The following ARAP1 variants were observed in gnomAD, a reference collection of about 807,000 sequenced individuals.
ARAP1 encodes ArfGAP with RhoGAP domain, ankyrin repeat and PH domain 1.
In ARAP1, 76 loss-of-function variants were observed where a neutral mutation model predicts 172.2. The observed-to-expected ratio is 0.44, with a 90% CI of 0.37 to 0.53. The LOEUF is 0.53. Ranked by LOEUF, ARAP1 falls within the 20% of genes least tolerant of loss-of-function variation. The probability of loss-of-function intolerance (pLI) is 0.00; values close to 1 mark genes in which losing one functional copy is unlikely to be tolerated. For missense variants in ARAP1, 1,686 were observed against 1,977.5 expected (o/e 0.85, Z 2.80); for synonymous variants, 804 against 803.3 (o/e 1.00, Z -0.01).
intron 1 of ARAP1, among the ~76,000 whole-genome samples, chr11:72,746,979 A>G (rs1327963038): frequency 6.6e-6 from 1 of 152,102 alleles, no homozygotes; most frequent in East Asian, 1.9e-4. Flanking sequence ...GCCAGTAGGA[A>G]AGCTGGCAGG....
intron 3 of ARAP1, among the ~76,000 whole-genome samples, chr11:72,716,114 A>C (rs1857258637): frequency 7.0e-6 from 1 of 142,640 alleles, no homozygotes; most frequent in African/African-American, 2.7e-5. Flanking sequence ...TGGAGCTTGC[A>C]GTGAGCCGAG....
chr11:72,699,306 G>T lies in ARAP1; in HGVS notation c.2438+111C>A. ...GTCGGCCCTTGTGCAGCCTCCGTTT[G>T]CTGTGTGACTCTGCGGAGGTCCTCC... On this transcript the variant is annotated intron_variant, in intron 17 of 34. Transcript: ENST00000393609. This position sits in a 1 kb window ranked among gnomAD's most constrained non-coding sequence, Gnocchi z 4.2. The T allele has an allele frequency of 6.6e-7, 1 of 1,522,112 alleles. No individual in the cohort carries two copies. Among genetic ancestry groups the T allele is most frequent in the Non-Finnish European group, 8.9e-7 (1 of 1,122,212 alleles). The allele number at this position is 1,522,112 out of a possible 1,614,324, so 94.3% of individuals were successfully genotyped here.
chr11:72,698,882 T>C, intron 18 of ARAP1, 123 bp downstream of exon 18: 1 of 1,031,074 alleles, frequency 9.7e-7, no homozygotes. Context: ...CCGCTCCATG[T>C]CTGCTGCCCT....
chr11:72,701,788 G>A lies in ARAP1; in HGVS notation c.2168-5C>T, dbSNP rs1468296524. The A allele has an allele frequency of 6.2e-7, 1 of 1,612,848 alleles. No individual in the cohort carries two copies. The highest frequency in any genetic ancestry group is 8.5e-7 in the Non-Finnish European group (1 of 1,179,336). On this transcript the variant is annotated splice_region_variant and splice_polypyrimidine_tract_variant and intron_variant, in intron 15 of 34. Transcript: ENST00000393609. ...TCGAGTCCAGCCGAGGCACCTCTTTGTAGGCGGGGAAAGGATGGCAGGTCA... is the reference window on the plus strand; with the variant it reads ...TCGAGTCCAGCCGAGGCACCTCTTTATAGGCGGGGAAAGGATGGCAGGTCA...
chr11:72,708,601 C>T (rs951440156), intron 11 of ARAP1: 28 of 152,950 alleles, frequency 1.8e-4, no homozygotes, highest in African/African-American at 4.1e-4. Flanking sequence ...ATAAGGCTCC[C>T]GCAGAAGTCA....
chr11:72,695,274 G>A lies in ARAP1; in HGVS notation c.3576+113C>T, dbSNP rs1276375809. 5 of 1,445,214 alleles carry A rather than the reference G, an allele frequency of 3.5e-6. No individual in the cohort carries two copies. The African/African-American group carries it at 7.0e-5, about 20-fold the overall frequency. The allele number at this position is 1,445,214 out of a possible 1,614,324, so 89.5% of individuals were successfully genotyped here. A position where few individuals can be genotyped will look rare whatever the true frequency, so the allele number is the denominator to read the frequency against. On this transcript the variant is annotated intron_variant, in intron 26 of 34. Coordinates refer to ENST00000393609, the MANE Select transcript of ARAP1 (RefSeq NM_001040118.3). The surrounding 1 kb of genome is among the most constrained non-coding windows in gnomAD (Gnocchi z 4.4). ...AGACCCCAGCACCAGCCAGATACAG[G>A]TCCCAAACTGGTCCTCTCCTCGGGG...
chr11:72,697,026 C>T lies in ARAP1; in HGVS notation c.3123G>A (p.Gly1041=), dbSNP rs780479139. ...TTAGGCGCTGGGCGCGAGTGAAGAG[C>T]CCATCAGGCAGGTCGCGCAGGAAGC... ...LKRFLRDLPD[G]LFTRAQRLTW... is the part of the protein sequence containing the mutation. The change falls in exon 22 of 35, where the codon GGG becomes GGA. Residue 1041 remains glycine (G), a synonymous_variant. Transcript: ENST00000393609. 6.2e-7 allele frequency: 1 copy of T among 1,609,470 alleles called. No homozygotes were observed. The highest frequency in any genetic ancestry group is 1.1e-5 in the South Asian group (1 of 91,084).
chr11:72,704,102 C>T, intron 14 of ARAP1, 50 bp downstream of exon 14: 1 of 1,609,598 alleles, frequency 6.2e-7, no homozygotes, highest in African/African-American at 1.3e-5. Flanking sequence ...AACAGGGCAG[C>T]AGAAAGACGG....
chr11:72,722,530 C>T (rs961829243), intron 3 of ARAP1, among the ~76,000 whole-genome samples: 1 of 152,174 alleles, frequency 6.6e-6, no homozygotes, highest in African/African-American at 2.4e-5. Context: ...CCACTCCACC[C>T]GCATAAGGAG....
chr11:72,734,318 G>A (rs755943498), intron 1 of ARAP1, among the ~76,000 whole-genome samples: 26 of 152,090 alleles, frequency 1.7e-4, no homozygotes, highest in African/African-American at 5.6e-4. Flanking sequence ...ACAGGGTCTC[G>A]TTATGTTGCC....
intron 7 of ARAP1, 151 bp from the exon 8 acceptor site, chr11:72,711,650 T>C (rs1251110282): frequency 3.2e-6 from 2 of 622,676 alleles, no homozygotes; most frequent in Non-Finnish European, 5.7e-6. Flanking sequence ...GAAGATGGAC[T>C]TTACAGCAAG....
At chr11:72,690,961 C>T (rs903472148) in intron 30 of ARAP1, among the ~76,000 whole-genome samples, 18 of 152,226 alleles carry the variant, frequency 1.2e-4, no homozygotes, top group African/African-American at 3.9e-4. Flanking sequence ...TTGATAACCC[C>T]GTGGTAACCA....
chr11:72,685,339 A>G lies in ARAP1; in HGVS notation c.*325T>C. The G allele has an allele frequency of 2.5e-6, 1 of 403,792 alleles. No homozygotes were observed. Among genetic ancestry groups the G allele is most frequent in the South Asian group, 3.0e-5 (1 of 32,880 alleles). The allele number at this position is 403,792 out of a possible 1,614,324, so 25.0% of individuals were successfully genotyped here. A position where few individuals can be genotyped will look rare whatever the true frequency, so the allele number is the denominator to read the frequency against. On this transcript the variant is annotated 3_prime_UTR_variant, in exon 35 of 35. Coordinates refer to ENST00000393609, the MANE Select transcript of ARAP1 (RefSeq NM_001040118.3). ...AGGGCCCCAGGGCCTCACGCCTCTG[A>G]AAGGGTGGTGGTCCTCCCAAGTTCC...
chr11:72,700,713 A>G (rs1019497837), intron 16 of ARAP1, among the ~76,000 whole-genome samples: 2 of 152,250 alleles, frequency 1.3e-5, no homozygotes, highest in African/African-American at 2.4e-5. Context: ...TGTGAAGAAA[A>G]TGCAGGGTAG....
chr11:72,712,871 G>A, intron 5 of ARAP1: 2 of 599,956 alleles, frequency 3.3e-6, no homozygotes, highest in Admixed American at 3.0e-5. Context: ...CACAAGAAGT[G>A]AAACAGAGAC....
At chr11:72,727,975 C>T (rs1857749505) in intron 2 of ARAP1, among the ~76,000 whole-genome samples, 1 of 152,180 alleles carries the variant, frequency 6.6e-6, no homozygotes. Context: ...TGATTATCTC[C>T]ACAGACACTA....
chr11:72,697,695 C>A (rs1856277617), intron 19 of ARAP1, 46 bp from the exon 20 acceptor site: 2 of 1,609,910 alleles, frequency 1.2e-6, no homozygotes, highest in Non-Finnish European at 1.7e-6. Flanking sequence ...TGCTCCTGAT[C>A]CCCAACCTGC....
In ARAP1 at chr11:72,692,805, G is replaced by T. The variant is rs773713251; in HGVS notation, c.3955-20C>A. ...CTGGCTCTGTTTGATAGAGGATCAGGGTTATGGAAGAAGTCCCAGGTCTAG... is the reference window on the plus strand; with the variant it reads ...CTGGCTCTGTTTGATAGAGGATCAGTGTTATGGAAGAAGTCCCAGGTCTAG... On this transcript the variant is annotated intron_variant, in intron 29 of 34. Coordinates refer to ENST00000393609, the MANE Select transcript of ARAP1 (RefSeq NM_001040118.3). 6.2e-7 allele frequency: 1 copy of T among 1,613,128 alleles called. No homozygotes were observed. Among genetic ancestry groups the T allele is most frequent in the South Asian group, 1.1e-5 (1 of 91,092 alleles).
At chr11:72,750,261 G>C (rs945139749) in intron 1 of ARAP1, among the ~76,000 whole-genome samples, 1 of 152,206 alleles carries the variant, frequency 6.6e-6, no homozygotes, top group Non-Finnish European at 1.5e-5. Flanking sequence ...GAGGGGCGGG[G>C]GGCCAGGGTC....
Sources: allele counts gnomAD v4.1 joint callset (sites outside exome capture counted in the v4.1 genomes callset), GRCh38; gene constraint gnomAD v4.1.1; non-coding constraint Gnocchi (gnomAD v3.1); transcripts MANE v1.5; gene names NCBI Gene and HGNC (gene_info 2026-07-23, HGNC 2026-07-21).